The following PGLS variants were observed in gnomAD, a reference collection of about 807,000 sequenced individuals.
PGLS encodes the protein epididymis secretory protein Li 304.
PGLS carries 21 observed loss-of-function variants against 23.2 expected under a neutral mutation model. That is an observed-to-expected ratio of 0.91 (90% CI 0.64 to 1.31). The LOEUF (loss-of-function observed/expected upper bound fraction) is 1.31. PGLS is among the 50% of genes most tolerant of loss of function. The probability of loss-of-function intolerance (pLI) is 0.00; values close to 1 mark genes in which losing one functional copy is unlikely to be tolerated. For synonymous variants in PGLS, 179 were observed against 165.4 expected (o/e 1.08, Z -0.63); for missense variants, 410 against 354.0 (o/e 1.16, Z -1.27).
chr19:17,514,585 G>C (rs1488879803), intron 1 of PGLS, among the ~76,000 whole-genome samples: 1 of 151,682 alleles, frequency 6.6e-6, no homozygotes, highest in Non-Finnish European at 1.5e-5. Flanking sequence ...TTCAGCTCCC[G>C]GGCTCTATCA....
At position 17,511,928 on chromosome 19, in the gene PGLS, G is replaced by A. The variant is rs183992141; in HGVS notation, c.256G>A (p.Asp86Asn). 1,883 of 1,549,298 alleles carry A rather than the reference G, an allele frequency of 1.2e-3. 1 individual carries two copies. Among genetic ancestry groups the A allele is most frequent in the Admixed American group, 1.6e-3 (80 of 51,596 alleles). The change falls in exon 1 of 5, where the codon GAT (aspartate) becomes AAT (asparagine). Residue 86 changes from aspartate to asparagine, a missense_variant. Physicochemically the swap from Asp to Asn is conservative, Grantham distance 23 (BLOSUM62 1). Transcript: ENST00000252603. ...GFCDERLVPF[D>N]HAESTYGLYR... ...CTGCGACGAGCGCCTCGTGCCCTTC[G>A]ATCACGCCGAGAGCACGTACGGCCT...
At chr19:17,520,905 G>A in intron 4 of PGLS, 39 bp from the exon 5 acceptor site, 2 of 1,526,714 alleles carry the variant, frequency 1.3e-6, no homozygotes, top group South Asian at 1.2e-5. Context: ...CGGTGCCTGG[G>A]CCGCAGGCAG....
intron 4 of PGLS, 74 bp downstream of exon 4, chr19:17,517,924 A>G (rs2075540989): frequency 6.6e-7 from 1 of 1,516,610 alleles, no homozygotes. Context: ...GGCCCCAGAC[A>G]TTATTGTGCT....
At chr19:17,518,179 G>C (rs929606333) in intron 4 of PGLS, among the ~76,000 whole-genome samples, 1 of 152,046 alleles carries the variant, frequency 6.6e-6, no homozygotes, top group Non-Finnish European at 1.5e-5. Context: ...AATAAATCAA[G>C]TGCTTTCCTG....
chr19:17,511,957 C>T lies in PGLS; in HGVS notation c.285C>T (p.Tyr95=). The T allele has an allele frequency of 6.5e-7, 1 of 1,548,684 alleles. No homozygotes were observed. The highest frequency in any genetic ancestry group is 8.7e-7 in the Non-Finnish European group (1 of 1,148,954). ...ACGCCGAGAGCACGTACGGCCTCTA[C>T]CGGGTGAGAGCTACGGGGGCCGCCG... ...FDHAESTYGL[Y]RTHLLSRLPI... is the part of the protein sequence containing the mutation. The change falls in exon 1 of 5, where the codon TAC becomes TAT. Residue 95 remains tyrosine, a synonymous_variant. Coordinates refer to ENST00000252603, the MANE Select transcript of PGLS (RefSeq NM_012088.3).
At chr19:17,516,564 G>A (rs769517653) in intron 2 of PGLS, 79 of 1,070,906 alleles carry the variant, frequency 7.4e-5, no homozygotes, top group Non-Finnish European at 8.1e-5. Flanking sequence ...TGTTTCCTGC[G>A]TTACAGCTAC....
At chr19:17,520,181 G>A (rs142234794) in intron 4 of PGLS, among the ~76,000 whole-genome samples, 14 of 152,160 alleles carry the variant, frequency 9.2e-5, no homozygotes, top group African/African-American at 3.1e-4. Context: ...TACAGTGGGC[G>A]GGGCATGGTG....
chr19:17,512,016 A>C, intron 1 of PGLS, 56 bp downstream of exon 1: 2 of 1,474,782 alleles, frequency 1.4e-6, no homozygotes, highest in Non-Finnish European at 1.8e-6. Context: ...GCCACCGCCT[A>C]CACCCCGGCT....
chr19:17,517,175 G>A (rs1310135536), intron 2 of PGLS, 113 bp from the exon 3 acceptor site: 7 of 720,938 alleles, frequency 9.7e-6, no homozygotes, highest in Non-Finnish European at 1.5e-5. Context: ...GAGCCACCAT[G>A]CCCAGCCACA....
At chr19:17,515,301 G>A (rs1235009188) in intron 1 of PGLS, among the ~76,000 whole-genome samples, 28 of 152,096 alleles carry the variant, frequency 1.8e-4, no homozygotes, top group Admixed American at 1.7e-3. Context: ...CAGCCCCTGC[G>A]TTTACTTCGT....
intron 4 of PGLS, among the ~76,000 whole-genome samples, chr19:17,519,883 C>A (rs565364002): frequency 6.6e-6 from 1 of 152,220 alleles, no homozygotes; most frequent in Admixed American, 6.5e-5. Flanking sequence ...CAGTTACAGA[C>A]CAGGCACAGT....
intron 1 of PGLS, among the ~76,000 whole-genome samples, chr19:17,514,070 G>A (rs1173106543): frequency 6.6e-6 from 1 of 152,168 alleles, no homozygotes; most frequent in Non-Finnish European, 1.5e-5. Flanking sequence ...GGTTCCCTAG[G>A]GCTACATAAC....
intron 2 of PGLS, among the ~76,000 whole-genome samples, chr19:17,516,948 A>C (rs1285987883): frequency 1.4e-5 from 2 of 144,220 alleles, no homozygotes; most frequent in South Asian, 2.2e-4. Flanking sequence ...GCAGTGATGC[A>C]ATCTCAGCTC....
chr19:17,514,918 C>T (rs2075525939), intron 1 of PGLS, among the ~76,000 whole-genome samples: 1 of 152,162 alleles, frequency 6.6e-6, no homozygotes, highest in South Asian at 2.1e-4. Context: ...TCCCAAAGTG[C>T]TGGGATTACA....
intron 4 of PGLS, chr19:17,520,655 C>T (rs1350803786): frequency 1.2e-5 from 3 of 242,684 alleles, no homozygotes; most frequent in Non-Finnish European, 2.3e-5. Flanking sequence ...CGCTTGAAAC[C>T]GGGAGGCGGA....
intron 4 of PGLS, chr19:17,520,631 T>C (rs1168738460): frequency 1.0e-5 from 2 of 194,472 alleles, no homozygotes; most frequent in African/African-American, 2.4e-5. Flanking sequence ...CTCAGGAGGC[T>C]GAGGCAGAAG....
chr19:17,515,027 G>A (rs1001992500), intron 1 of PGLS, among the ~76,000 whole-genome samples: 2 of 152,092 alleles, frequency 1.3e-5, no homozygotes, highest in African/African-American at 2.4e-5. Flanking sequence ...GGGCTCAACC[G>A]ATTGTCCCAC....
At chr19:17,516,982 T>C (rs1459651272) in intron 2 of PGLS, among the ~76,000 whole-genome samples, 38 of 151,348 alleles carry the variant, frequency 2.5e-4, no homozygotes, top group Non-Finnish European at 5.9e-5. Context: ...CCTCCCGGGC[T>C]CAAGTGATTA....
chr19:17,515,211 C>T (rs80080790), intron 1 of PGLS, among the ~76,000 whole-genome samples: 1 of 152,174 alleles, frequency 6.6e-6, no homozygotes, highest in African/African-American at 2.4e-5. Flanking sequence ...TTGTGTCCCT[C>T]CCCAGCTCAC....
Sources: gnomAD v4.1 joint callset for allele counts (sites outside exome capture counted in the v4.1 genomes callset) on GRCh38, gnomAD v4.1.1 for gene constraint, MANE v1.5 for transcripts, NCBI Gene and HGNC (gene_info 2026-07-23, HGNC 2026-07-21) for gene names.